The following AFF3 variants were observed in gnomAD, a reference collection of about 807,000 sequenced individuals.
AFF3 encodes AF4/FMR2 family member 3.
In AFF3, 32 loss-of-function variants were observed where a neutral mutation model predicts 129.7. The ratio of observed to expected loss-of-function variants is 0.25; its 90% confidence interval spans 0.19 to 0.33. AFF3 has a LOEUF of 0.33. Among genes scored for constraint, AFF3 ranks in the 10% least tolerant of loss-of-function variants. The pLI, the probability that AFF3 is intolerant of heterozygous loss-of-function variation, is 1.00. For missense variants in AFF3, 1,373 were observed against 1,592.0 expected (o/e 0.86, Z 2.34); for synonymous variants, 644 against 635.4 (o/e 1.01, Z -0.20).
At chr2:99,553,918 CAAAAA>C (rs61326965) in intron 24 of AFF3, among the ~76,000 whole-genome samples, 7 of 56,974 alleles carry the variant, frequency 1.2e-4, no homozygotes, top group African/African-American at 4.1e-4. Flanking sequence ...TGTCTCAAAC[CAAAAA>C]AAAAAAAAAA....
At chr2:100,026,702 TAAATATATATATAA>T (rs1381637041) in intron 4 of AFF3, among the ~76,000 whole-genome samples, 2 of 131,938 alleles carry the variant, frequency 1.5e-5, no homozygotes, top group Non-Finnish European at 3.2e-5. Flanking sequence ...TATATATAAA[TAAATATATATATAA>T]ATATATATAT....
chr2:99,546,420 A>C lies in AFF3; in HGVS notation c.*5054T>G, dbSNP rs1335554002. 2 of 232,874 alleles carry C rather than the reference A, an allele frequency of 8.6e-6. No individual in the cohort carries two copies. The highest frequency in any genetic ancestry group is 2.2e-5 in the African/African-American group (1 of 45,310). 14.4% of individuals were successfully genotyped at this position (232,874 alleles called of 1,614,324 possible). A position where few individuals can be genotyped will look rare whatever the true frequency, so the allele number is the denominator to read the frequency against. ...GCCTGGTTAATGAGGACTCAACTGAACTGCCCATCTGCAAACAAACCCTTT... is the reference window on the plus strand; with the variant it reads ...GCCTGGTTAATGAGGACTCAACTGACCTGCCCATCTGCAAACAAACCCTTT... On this transcript the variant is annotated 3_prime_UTR_variant, in exon 25 of 25. Transcript: ENST00000672756.
chr2:99,565,408 C>A, intron 20 of AFF3, 79 bp downstream of exon 20: 1 of 1,562,792 alleles, frequency 6.4e-7, no homozygotes. Flanking sequence ...TGCAGGCTGA[C>A]ATTCTTTTCT....
chr2:99,784,290 ACC>A (rs1281151402), intron 8 of AFF3, among the ~76,000 whole-genome samples: 1 of 152,168 alleles, frequency 6.6e-6, no homozygotes, highest in Non-Finnish European at 1.5e-5. Context: ...CGTTTTCAGC[ACC>A]CTCGTGGATG....
At chr2:99,865,202 T>C (rs922601149) in intron 7 of AFF3, among the ~76,000 whole-genome samples, 1 of 152,164 alleles carries the variant, frequency 6.6e-6, no homozygotes, top group Non-Finnish European at 1.5e-5. Context: ...AAGGGCACAA[T>C]GGCACAGCTT....
chr2:99,928,118 A>G (rs977060479), intron 7 of AFF3, among the ~76,000 whole-genome samples: 7 of 152,314 alleles, frequency 4.6e-5, no homozygotes, highest in Admixed American at 1.3e-4. Flanking sequence ...CTGTAAGTCC[A>G]ATTAAACCTC....
intron 4 of AFF3, among the ~76,000 whole-genome samples, chr2:100,053,933 C>T (rs1415306150): frequency 6.6e-6 from 1 of 152,220 alleles, no homozygotes; most frequent in Non-Finnish European, 1.5e-5. Flanking sequence ...TTGACCTCCT[C>T]TGTATCTAGG....
intron 13 of AFF3, among the ~76,000 whole-genome samples, chr2:99,622,307 G>A (rs746893515): frequency 9.9e-5 from 15 of 152,148 alleles, no homozygotes; most frequent in Admixed American, 5.2e-4. Flanking sequence ...ACGTGCAGAC[G>A]CTGAGAATGA....
At chr2:99,816,061 T>A (rs1687209597) in intron 8 of AFF3, among the ~76,000 whole-genome samples, 1 of 151,886 alleles carries the variant, frequency 6.6e-6, no homozygotes, top group Non-Finnish European at 1.5e-5. Flanking sequence ...TTTTTAAATC[T>A]CATTGCATTT....
At chr2:99,748,528 C>T (rs989817665) in intron 9 of AFF3, among the ~76,000 whole-genome samples, 1 of 152,168 alleles carries the variant, frequency 6.6e-6, no homozygotes, top group African/African-American at 2.4e-5. Context: ...ATACTTCCAG[C>T]TGTGTATCCT....
intron 11 of AFF3, among the ~76,000 whole-genome samples, chr2:99,704,415 G>A (rs1677167778): frequency 6.6e-6 from 1 of 152,128 alleles, no homozygotes; most frequent in African/African-American, 2.4e-5. Context: ...TACCCACGTG[G>A]CACTCTGTAG....
chr2:99,581,541 CAG>C (rs1677548552), intron 17 of AFF3, among the ~76,000 whole-genome samples: 1 of 149,214 alleles, frequency 6.7e-6, no homozygotes, highest in Non-Finnish European at 1.5e-5. Flanking sequence ...TTTTTTGAGA[CAG>C]AGTCTCGCTC....
chr2:99,707,497 G>A (rs899029422), intron 11 of AFF3: 10 of 985,046 alleles, frequency 1.0e-5, no homozygotes, highest in African/African-American at 5.2e-5. Flanking sequence ...AGTTTCAAAC[G>A]CGTCTTAGTA....
chr2:99,935,316 C>A (rs754778004), intron 7 of AFF3, among the ~76,000 whole-genome samples: 12 of 151,984 alleles, frequency 7.9e-5, no homozygotes, highest in Non-Finnish European at 1.0e-4. Flanking sequence ...ATGTCACTTT[C>A]GGAAGAACCC....
intron 2 of AFF3, chr2:100,106,955 C>A: frequency 8.1e-6 from 8 of 985,428 alleles, no homozygotes; most frequent in Non-Finnish European, 9.6e-6. Context: ...CATGTAGTAA[C>A]GGGCAGATTT....
At chr2:100,007,494 A>G (rs758581329) in intron 5 of AFF3, 34 bp from the exon 6 acceptor site, 70 of 1,568,692 alleles carry the variant, frequency 4.5e-5, no homozygotes, top group Non-Finnish European at 5.7e-5. Flanking sequence ...CGCTATTGTT[A>G]GAGACAACAG....
chr2:99,747,700 A>C (rs1681282738), intron 9 of AFF3, among the ~76,000 whole-genome samples: 1 of 152,174 alleles, frequency 6.6e-6, no homozygotes, highest in Non-Finnish European at 1.5e-5. Flanking sequence ...GTGAAGAGAG[A>C]CTTCAAAATG....
Position 99,574,295 on chromosome 2 carries a change from A to G in AFF3, c.2918+4032T>C, listed in dbSNP as rs149638602. Among the ~76,000 whole-genome samples, 89 of 152,342 alleles carry G rather than the reference A, an allele frequency of 5.8e-4. 1 individual carries two copies. In the East Asian group the frequency reaches 0.016, roughly 27 times the overall value. ...GGGGAGGAGGTGAGGTCACACTGCCACCAATATGAGCCCACAACATACAAA... is the reference window on the plus strand; with the variant it reads ...GGGGAGGAGGTGAGGTCACACTGCCGCCAATATGAGCCCACAACATACAAA... On this transcript the variant is annotated intron_variant, in intron 18 of 24. Coordinates refer to ENST00000672756, the MANE Select transcript of AFF3 (RefSeq NM_001386135.1).
intron 7 of AFF3, among the ~76,000 whole-genome samples, chr2:99,921,030 C>A (rs1287835168): frequency 6.6e-6 from 1 of 152,004 alleles, no homozygotes; most frequent in African/African-American, 2.4e-5. Context: ...TTGGAAGACT[C>A]AACAGTGCTC....
Sources: allele counts gnomAD v4.1 joint callset (sites outside exome capture counted in the v4.1 genomes callset), GRCh38; gene constraint gnomAD v4.1.1; transcripts MANE v1.5; gene names NCBI Gene and HGNC (gene_info 2026-07-23, HGNC 2026-07-21).